DMD: variants seen among roughly 807,000 people sequenced by gnomAD.
The protein encoded by DMD is mutant dystrophin.
In DMD, 63 loss-of-function variants were observed where a neutral mutation model predicts 330.1. The observed-to-expected ratio is 0.19, with a 90% CI of 0.16 to 0.24. The LOEUF is 0.24. Among genes scored for constraint, DMD ranks in the 10% least tolerant of loss-of-function variants. The pLI is 1.00. For synonymous variants in DMD, 1,223 were observed against 959.8 expected, an observed-to-expected ratio of 1.27 and a Z score of -5.07; for missense variants, 3,344 against 2,684.1, an observed-to-expected ratio of 1.25 and a Z score of -5.43.
At chrX:32,819,108 G>C (rs781674585) in intron 5 of DMD, among the ~76,000 whole-genome samples, 29 of 101,004 alleles carry the variant, frequency 2.9e-4, no homozygotes, top group African/African-American at 1.0e-3. Context: ...GTGATTAAAA[G>C]AAGTTGCAGC....
intron 21 of DMD, among the ~76,000 whole-genome samples, chrX:32,474,200 T>C (rs868442541): frequency 2.5e-3 from 266 of 104,945 alleles, no homozygotes; most frequent in African/African-American, 9.5e-3. Flanking sequence ...CATATATACA[T>C]ACATACATAC....
intron 49 of DMD, among the ~76,000 whole-genome samples, chrX:31,829,027 T>C (rs757262076): frequency 2.7e-5 from 3 of 112,132 alleles, no homozygotes; most frequent in Non-Finnish European, 5.6e-5. Context: ...GTGGTATCTA[T>C]ATACCATGGA....
chrX:33,277,364 C>T (rs113429803), intron 1 of DMD, among the ~76,000 whole-genome samples: 3,512 of 111,260 alleles, frequency 0.032, 136 homozygotes, highest in African/African-American at 0.11. Flanking sequence ...TGCACACCAT[C>T]GTGAATGTAC....
At chrX:32,351,403 A>G in intron 37 of DMD, among the ~76,000 whole-genome samples, 1 of 110,655 alleles carries the variant, frequency 9.0e-6, no homozygotes. Context: ...GAGTTACATA[A>G]TCCTGAAGAA....
At chrX:31,794,884 A>C (rs2091754872) in intron 50 of DMD, among the ~76,000 whole-genome samples, 1 of 111,850 alleles carries the variant, frequency 8.9e-6, no homozygotes, top group South Asian at 3.7e-4. Context: ...AGAGCCTCCC[A>C]ATGTGAATGA....
At chrX:32,381,060 C>T (rs929494896) in intron 33 of DMD, among the ~76,000 whole-genome samples, 4 of 111,394 alleles carry the variant, frequency 3.6e-5, no homozygotes, top group African/African-American at 1.3e-4. Context: ...AGAAGGTTTA[C>T]AATCCTCTAT....
intron 48 of DMD, among the ~76,000 whole-genome samples, chrX:31,843,847 T>TATTGTATTGTATTGTATTGTATTGTATTG (rs774530515): frequency 3.7e-5 from 4 of 109,213 alleles, no homozygotes; most frequent in South Asian, 3.8e-4. Context: ...GTTTGAGATT[T>TATTGTATTGTATTGTATTGTATTGTATTG]TATTGTATTG....
intron 43 of DMD, among the ~76,000 whole-genome samples, chrX:32,243,105 A>C (rs1260404479): frequency 9.1e-6 from 1 of 109,587 alleles, no homozygotes; most frequent in Non-Finnish European, 1.9e-5. Flanking sequence ...CTAGTTAAGT[A>C]AGATTTTAGA....
chrX:32,339,601 A>G (rs1440854870), intron 41 of DMD, among the ~76,000 whole-genome samples: 1 of 111,505 alleles, frequency 9.0e-6, no homozygotes. Context: ...TCTGAGCTTT[A>G]TTACTACCAT....
At position 32,565,839 on chromosome X, in the gene DMD, T is replaced by C; in HGVS notation, c.1855A>G (p.Lys619Glu). 2 of 1,211,596 alleles carry C rather than the reference T, an allele frequency of 1.7e-6. No individual in the cohort carries two copies. Among genetic ancestry groups the C allele is most frequent in the Non-Finnish European group, 1.1e-6 (1 of 895,341 alleles). ...DLEKKKQSMG[K>E]LYSLKQDLLS... ...AGATCTTGTTTGAGTGAATACAGTTTGCCCATGGATTGCTTTTTCTTTTCT... is the reference window on the plus strand; with the variant it reads ...AGATCTTGTTTGAGTGAATACAGTTCGCCCATGGATTGCTTTTTCTTTTCT... The change falls in exon 16 of 79, where the codon AAA becomes GAA. Residue 619 changes from lysine to glutamate, a missense_variant. Physicochemically the swap from Lys to Glu is moderately conservative, Grantham distance 56. Coordinates refer to ENST00000357033, the MANE Select transcript of DMD (RefSeq NM_004006.3).
At chrX:33,014,797 A>G (rs1251480631) in intron 2 of DMD, among the ~76,000 whole-genome samples, 4 of 107,925 alleles carry the variant, frequency 3.7e-5, no homozygotes, top group African/African-American at 1.4e-4. Context: ...ACATTACATA[A>G]TGACAAAAAT....
At chrX:31,412,906 A>G (rs1350440586) in intron 60 of DMD, among the ~76,000 whole-genome samples, 2 of 111,673 alleles carry the variant, frequency 1.8e-5, no homozygotes, top group Non-Finnish European at 3.8e-5. Context: ...TCTCTTCTAC[A>G]ATCTTACTTA....
chrX:32,600,498 T>C (rs1223809148), intron 12 of DMD, among the ~76,000 whole-genome samples: 1 of 77,463 alleles, frequency 1.3e-5, no homozygotes, highest in Non-Finnish European at 2.2e-5. Flanking sequence ...GTTACCTATA[T>C]GTAAAGTTTT....
intron 7 of DMD, among the ~76,000 whole-genome samples, chrX:32,782,953 C>T (rs754447203): frequency 6.3e-5 from 6 of 95,914 alleles, no homozygotes; most frequent in African/African-American, 2.8e-4. Flanking sequence ...TATATACACA[C>T]ACACATACAC....
intron 1 of DMD, among the ~76,000 whole-genome samples, chrX:33,163,628 C>CTATGTATCTATGTATCTATG (rs1557282397): frequency 5.0e-5 from 5 of 100,069 alleles, no homozygotes; most frequent in Admixed American, 1.1e-4. Context: ...CTCTATCTAT[C>CTATGTATCTATGTATCTATG]TATCTATCTA....
chrX:33,187,867 T>C (rs745424501), intron 1 of DMD, among the ~76,000 whole-genome samples: 11 of 111,939 alleles, frequency 9.8e-5, no homozygotes, highest in African/African-American at 3.6e-4. Flanking sequence ...CGTATATACA[T>C]ATACAATTGT....
chrX:31,805,353 A>G (rs1603473571), intron 50 of DMD, among the ~76,000 whole-genome samples: 1 of 112,159 alleles, frequency 8.9e-6, no homozygotes, highest in African/African-American at 3.2e-5. Context: ...ATGCCATTTC[A>G]AGTTTCAAAG....
intron 13 of DMD, 124 bp from the exon 14 acceptor site, chrX:32,573,970 ACT>A: frequency 1.8e-6 from 1 of 544,747 alleles, no homozygotes; most frequent in Non-Finnish European, 3.2e-6. Flanking sequence ...TGGAAGGGAC[ACT>A]CTTTCTGATC....
chrX:31,507,015 ACTC>A (rs778644345), intron 56 of DMD, among the ~76,000 whole-genome samples: 1 of 111,326 alleles, frequency 9.0e-6, no homozygotes, highest in African/African-American at 3.3e-5. Flanking sequence ...GAATAGCTGC[ACTC>A]CTCATTTAAA....
Sources: gnomAD v4.1 joint callset for allele counts (sites outside exome capture counted in the v4.1 genomes callset) on GRCh38, gnomAD v4.1.1 for gene constraint, MANE v1.5 for transcripts, NCBI Gene and HGNC (gene_info 2026-07-23, HGNC 2026-07-21) for gene names.